Variants in DLGAP1 observed in about 807,000 individuals in gnomAD.
DLGAP1 encodes the protein DLG associated protein 1, also known as disks large-associated protein 1.
A neutral mutation model predicts 90.8 loss-of-function variants in DLGAP1; 11 were observed. The observed-to-expected ratio is 0.12, with a 90% confidence interval of 0.08 to 0.20. DLGAP1 has a LOEUF of 0.20. Among genes scored for constraint, DLGAP1 ranks in the 10% least tolerant of loss-of-function variants. DLGAP1 has a pLI of 1.00. For missense variants in DLGAP1, 1,050 were observed against 1,333.8 expected (o/e 0.79, Z 3.31); for synonymous variants, 558 against 540.7 (o/e 1.03, Z -0.44).
At chr18:4,272,165 T>C (rs576231402) in intron 1 of DLGAP1, among the ~76,000 whole-genome samples, 86 of 152,348 alleles carry the variant, frequency 5.6e-4, no homozygotes, top group African/African-American at 2.0e-3. Context: ...AAGAAATATA[T>C]ATTTATCTCA....
intron 5 of DLGAP1, among the ~76,000 whole-genome samples, chr18:3,772,331 CTTCT>C (rs2064641207): frequency 1.9e-5 from 1 of 53,322 alleles, no homozygotes; most frequent in Non-Finnish European, 4.4e-5. Flanking sequence ...CCTTTCTCTC[CTTCT>C]CTCTCTCTCT....
chr18:4,189,081 T>G (rs1306622594), intron 1 of DLGAP1, among the ~76,000 whole-genome samples: 3 of 152,194 alleles, frequency 2.0e-5, no homozygotes, highest in Non-Finnish European at 4.4e-5. Context: ...TAATGAATGC[T>G]GTAAACATCT....
At chr18:4,052,161 T>C (rs1201086050) in intron 2 of DLGAP1, among the ~76,000 whole-genome samples, 1 of 152,188 alleles carries the variant, frequency 6.6e-6, no homozygotes, top group Non-Finnish European at 1.5e-5. Context: ...TGGAGGATGG[T>C]GGCCTTCTTC....
At chr18:4,414,308 C>T (rs1477791113) in intron 1 of DLGAP1, among the ~76,000 whole-genome samples, 2 of 152,090 alleles carry the variant, frequency 1.3e-5, no homozygotes, top group African/African-American at 4.8e-5. Context: ...TTGTTTTACA[C>T]ATAACAATCA....
At chr18:4,438,578 T>C (rs1246661400) in intron 1 of DLGAP1, among the ~76,000 whole-genome samples, 1 of 151,572 alleles carries the variant, frequency 6.6e-6, no homozygotes, top group African/African-American at 2.4e-5. Flanking sequence ...CATTTCTTCA[T>C]CACTTTTATT....
At chr18:4,114,529 T>G (rs146298733) in intron 2 of DLGAP1, among the ~76,000 whole-genome samples, 2,389 of 152,228 alleles carry the variant, frequency 0.016, 27 homozygotes, top group Middle Eastern at 0.037. Context: ...TAGAGTTTTG[T>G]AGGTATAGGA....
chr18:3,823,670 A>G (rs2067544724), intron 4 of DLGAP1, among the ~76,000 whole-genome samples: 1 of 152,170 alleles, frequency 6.6e-6, no homozygotes, highest in Admixed American at 6.5e-5. Context: ...TGGAACTTGT[A>G]ACAAGTACTG....
At chr18:3,632,788 T>G (rs1436171569) in intron 7 of DLGAP1, among the ~76,000 whole-genome samples, 1 of 152,164 alleles carries the variant, frequency 6.6e-6, no homozygotes, top group East Asian at 1.9e-4. Context: ...TCATTTGAAA[T>G]ATATCATTCA....
At position 3,613,114 on chromosome 18, in the gene DLGAP1, A is replaced by C. The variant is rs577614513; in HGVS notation, c.1592-30866T>G. On this transcript the variant is annotated intron_variant, in intron 7 of 12. Coordinates refer to ENST00000315677, the MANE Select transcript of DLGAP1 (RefSeq NM_004746.4). ...CGGCTTCCCAAAGTGCTGGGATTAC[A>C]GGCATGAGCCACCACGCCTGGCCTT... Among the ~76,000 whole-genome samples the C allele has an allele frequency of 3.9e-5, 6 of 152,278 alleles. No individual in the cohort carries two copies. The East Asian group carries it at 5.8e-4, about 15-fold the overall frequency.
chr18:3,809,227 G>C (rs1226844936), intron 5 of DLGAP1, among the ~76,000 whole-genome samples: 4 of 152,130 alleles, frequency 2.6e-5, no homozygotes, highest in Admixed American at 2.6e-4. Flanking sequence ...CCACAGGTTT[G>C]GGGTGGGAGG....
At chr18:4,447,045 A>C (rs2083684575) in intron 1 of DLGAP1, among the ~76,000 whole-genome samples, 1 of 152,244 alleles carries the variant, frequency 6.6e-6, no homozygotes, top group Admixed American at 6.5e-5. Context: ...CAAGGATATA[A>C]AACAAAAGGT....
chr18:4,183,942 G>T (rs1355891690), intron 1 of DLGAP1, among the ~76,000 whole-genome samples: 1 of 152,090 alleles, frequency 6.6e-6, no homozygotes, highest in Non-Finnish European at 1.5e-5. Flanking sequence ...TCATCTTGTT[G>T]CAGAGAGTGA....
In DLGAP1 at chr18:4,378,840, T is replaced by C. The variant is rs1396407013; in HGVS notation, c.-267+76166A>G. On this transcript the variant is annotated intron_variant, in intron 1 of 12. Coordinates refer to ENST00000315677, the MANE Select transcript of DLGAP1 (RefSeq NM_004746.4). This position sits in a 1 kb window ranked among gnomAD's most constrained non-coding sequence, Gnocchi z 4.5. ...TTCCATGAACCTCATTCATTCTTAC[T>C]ATTTAGCTCTGCATTTAATAAACTT... Among the ~76,000 whole-genome samples the C allele has an allele frequency of 6.6e-6, 1 of 152,144 alleles. No homozygotes were observed. Among genetic ancestry groups the C allele is most frequent in the Non-Finnish European group, 1.5e-5 (1 of 68,020 alleles).
intron 5 of DLGAP1, among the ~76,000 whole-genome samples, chr18:3,792,003 A>C (rs1033332409): frequency 6.6e-6 from 1 of 152,188 alleles, no homozygotes; most frequent in Admixed American, 6.5e-5. Flanking sequence ...CCACGTCCAC[A>C]CTGGGGACCA....
chr18:4,037,222 G>T (rs2074903195), intron 2 of DLGAP1, among the ~76,000 whole-genome samples: 1 of 152,126 alleles, frequency 6.6e-6, no homozygotes, highest in African/African-American at 2.4e-5. Flanking sequence ...GGGTTGATTT[G>T]CAAAGTATAT....
At chr18:3,970,739 C>A (rs929496505) in intron 3 of DLGAP1, among the ~76,000 whole-genome samples, 11 of 151,906 alleles carry the variant, frequency 7.2e-5, no homozygotes, top group South Asian at 2.1e-4. Context: ...ATTACTAAAT[C>A]ATATTAGAGA....
At chr18:4,409,727 C>A (rs188232809) in intron 1 of DLGAP1, among the ~76,000 whole-genome samples, 2 of 151,912 alleles carry the variant, frequency 1.3e-5, no homozygotes, top group Non-Finnish European at 2.9e-5. Context: ...TTTGGGAATT[C>A]TCTATTCATG....
chr18:4,282,703 A>T (rs1227614175), intron 1 of DLGAP1, among the ~76,000 whole-genome samples: 3 of 152,246 alleles, frequency 2.0e-5, no homozygotes. Context: ...ATTTATGCAC[A>T]TAAAAAAATA....
At chr18:4,441,802 G>A (rs906102637) in intron 1 of DLGAP1, among the ~76,000 whole-genome samples, 11 of 152,210 alleles carry the variant, frequency 7.2e-5, no homozygotes, top group East Asian at 1.9e-4. Context: ...TTATCAATTC[G>A]GCAATACAAC....
Sources: gnomAD v4.1 joint callset for allele counts (sites outside exome capture counted in the v4.1 genomes callset) on GRCh38, gnomAD v4.1.1 for gene constraint, Gnocchi (gnomAD v3.1) non-coding constraint, MANE v1.5 for transcripts, NCBI Gene and HGNC (gene_info 2026-07-23, HGNC 2026-07-21) for gene names.